PRKN: variants seen among roughly 807,000 people sequenced by gnomAD.
PRKN encodes the protein E3 ubiquitin-protein ligase parkin.
Under a neutral mutation model 59.5 loss-of-function variants are expected in PRKN, and 56 were observed. The observed-to-expected ratio is 0.94, with a 90% CI of 0.76 to 1.18. The LOEUF is 1.18. Among genes scored for constraint, PRKN ranks in the 50% most tolerant of loss-of-function variants. The pLI is 0.00. For synonymous variants in PRKN, 250 were observed against 222.1 expected (o/e 1.13, Z -1.12); for missense variants, 657 against 596.4 (o/e 1.10, Z -1.06).
In PRKN at chr6:162,510,816, G is replaced by A. The variant is rs561295634; in HGVS notation, c.8-67343C>T. On this transcript the variant is annotated intron_variant, in intron 1 of 11. Transcript: ENST00000366898. Reference sequence around the variant, plus strand: ...TATGCGCCTGTAATTCCAGCTACTCGGGAGGCTGAGGCAGGAGAATCGCTT... The same window carrying A: ...TATGCGCCTGTAATTCCAGCTACTCAGGAGGCTGAGGCAGGAGAATCGCTT... Among the ~76,000 whole-genome samples, 87 of 152,068 alleles carry A rather than the reference G, an allele frequency of 5.7e-4. 1 individual carries two copies. In the Middle Eastern group the frequency reaches 0.01, roughly 18 times the overall value.
At chr6:162,217,108 ATCTC>A in intron 3 of PRKN, among the ~76,000 whole-genome samples, 1 of 152,308 alleles carries the variant, frequency 6.6e-6, no homozygotes, top group East Asian at 1.9e-4. Context: ...CAATCGAAGA[ATCTC>A]TCCTTAATCA....
chr6:161,779,920 A>G (rs1177692408), intron 7 of PRKN, among the ~76,000 whole-genome samples: 1 of 152,210 alleles, frequency 6.6e-6, no homozygotes, highest in Non-Finnish European at 1.5e-5. Flanking sequence ...CTACAATGAA[A>G]GAATGTCCAA....
intron 2 of PRKN, among the ~76,000 whole-genome samples, chr6:162,375,742 TACACAC>T (rs60180187): frequency 1.3e-5 from 2 of 149,002 alleles, no homozygotes; most frequent in South Asian, 2.1e-4. Flanking sequence ...TATGGCTTTG[TACACAC>T]ACACACACAC....
At chr6:162,170,913 T>C (rs569609801) in intron 4 of PRKN, among the ~76,000 whole-genome samples, 66 of 126,602 alleles carry the variant, frequency 5.2e-4, no homozygotes, top group Non-Finnish European at 9.0e-4. Flanking sequence ...ATAAGAAAGG[T>C]AAATAAAAAC....
chr6:161,977,297 A>C (rs756791577), intron 5 of PRKN, among the ~76,000 whole-genome samples: 2 of 152,118 alleles, frequency 1.3e-5, no homozygotes, highest in Non-Finnish European at 2.9e-5. Flanking sequence ...ATATTACACC[A>C]GTTCCCCTCC....
intron 1 of PRKN, among the ~76,000 whole-genome samples, chr6:162,578,214 G>T (rs909112334): frequency 3.3e-5 from 5 of 152,012 alleles, no homozygotes; most frequent in East Asian, 3.8e-4. Flanking sequence ...ATGGTACTGA[G>T]TGAAAAACAT....
rs145608727 is a variant in PRKN at position 161,393,596 on chromosome 6, T to C, written c.1084-6719A>G. Among the ~76,000 whole-genome samples the C allele has an allele frequency of 3.8e-3, 579 of 152,218 alleles. 7 individuals are homozygous for C. The highest frequency in any genetic ancestry group is 0.021 in the Admixed American group (316 of 15,298). On this transcript the variant is annotated intron_variant, in intron 9 of 11. Coordinates refer to ENST00000366898, the MANE Select transcript of PRKN (RefSeq NM_004562.3). The surrounding 1 kb of genome is among the most constrained non-coding windows in gnomAD (Gnocchi z 4.7). ...TAATGAACACATTCAAAAGGGGCTGTATGTGTACTTTCTCTGTGGAAGCAT... is the reference window on the plus strand; with the variant it reads ...TAATGAACACATTCAAAAGGGGCTGCATGTGTACTTTCTCTGTGGAAGCAT...
chr6:162,491,856 T>A (rs1562327297), intron 1 of PRKN, among the ~76,000 whole-genome samples: 2 of 152,150 alleles, frequency 1.3e-5, no homozygotes. Flanking sequence ...TGAGCAAAAG[T>A]ATCCTGTCAG....
intron 1 of PRKN, among the ~76,000 whole-genome samples, chr6:162,449,697 A>T (rs186856431): frequency 2.9e-4 from 44 of 152,166 alleles, no homozygotes; most frequent in Non-Finnish European, 5.1e-4. Context: ...GTCTTTGAAG[A>T]TCTTTGTGAC....
intron 2 of PRKN, among the ~76,000 whole-genome samples, chr6:162,359,079 A>AAAAAAATATATAT (rs57265104): frequency 1.2e-5 from 1 of 83,274 alleles, no homozygotes; most frequent in African/African-American, 7.3e-5. Flanking sequence ...AAAAAAAAAA[A>AAAAAAATATATAT]ATATATATAT....
Position 161,473,358 on chromosome 6 carries a change from T to A in PRKN, c.1083+75496A>T, listed in dbSNP as rs1790887590. Among the ~76,000 whole-genome samples, 1 of 150,092 alleles carries A rather than the reference T, an allele frequency of 6.7e-6. No homozygotes were observed. The highest frequency in any genetic ancestry group is 1.5e-5 in the Non-Finnish European group (1 of 67,580). ...GATACCTATATATCCATAAATTTATTTATATACATATATATATATAAAATG... is the reference window on the plus strand; with the variant it reads ...GATACCTATATATCCATAAATTTATATATATACATATATATATATAAAATG... On this transcript the variant is annotated intron_variant, in intron 9 of 11. Coordinates refer to ENST00000366898, the MANE Select transcript of PRKN (RefSeq NM_004562.3). This position sits in a 1 kb window ranked among gnomAD's most constrained non-coding sequence, Gnocchi z 4.1.
At chr6:161,638,057 T>C (rs2128157347) in intron 7 of PRKN, among the ~76,000 whole-genome samples, 2 of 152,300 alleles carry the variant, frequency 1.3e-5, no homozygotes, top group Middle Eastern at 6.8e-3. Context: ...GGACAAACAA[T>C]GCCTCCCACC....
chr6:161,630,397 T>A (rs1468473599), intron 7 of PRKN, among the ~76,000 whole-genome samples: 2 of 152,106 alleles, frequency 1.3e-5, no homozygotes, highest in East Asian at 3.9e-4. Context: ...ACACGGTATG[T>A]CCCCAATAAA....
At chr6:161,517,648 G>T (rs142446701) in intron 9 of PRKN, among the ~76,000 whole-genome samples, 1 of 145,606 alleles carries the variant, frequency 6.9e-6, no homozygotes, top group South Asian at 2.3e-4. Flanking sequence ...GCTGAGGCAG[G>T]AGAATGGTGT....
chr6:162,725,706 T>C (rs1208015738), intron 1 of PRKN, among the ~76,000 whole-genome samples: 1 of 149,482 alleles, frequency 6.7e-6, no homozygotes, highest in Non-Finnish European at 1.5e-5. Flanking sequence ...GAGGCTGCAG[T>C]GAGCTGTGAT....
intron 4 of PRKN, among the ~76,000 whole-genome samples, chr6:162,153,286 C>A (rs938816166): frequency 4.6e-5 from 7 of 152,198 alleles, no homozygotes; most frequent in African/African-American, 1.7e-4. Flanking sequence ...GTGGCGCACC[C>A]CTTGCGGGAA....
intron 4 of PRKN, among the ~76,000 whole-genome samples, chr6:162,187,978 T>G (rs899621292): frequency 2.6e-5 from 4 of 152,000 alleles, no homozygotes; most frequent in African/African-American, 7.2e-5. Context: ...CAGTGAGAGG[T>G]GCTTGAACTA....
At chr6:162,673,140 T>C (rs192440029) in intron 1 of PRKN, among the ~76,000 whole-genome samples, 27 of 152,310 alleles carry the variant, frequency 1.8e-4, no homozygotes, top group African/African-American at 5.5e-4. Context: ...ATTTTCCTAA[T>C]TTTGAAAAAG....
intron 6 of PRKN, among the ~76,000 whole-genome samples, chr6:161,802,455 C>G (rs1791125593): frequency 6.6e-6 from 1 of 151,582 alleles, no homozygotes; most frequent in African/African-American, 2.4e-5. Flanking sequence ...ACACACACCC[C>G]ACATATGACC....
Sources: allele counts gnomAD v4.1 joint callset (sites outside exome capture counted in the v4.1 genomes callset), GRCh38; gene constraint gnomAD v4.1.1; non-coding constraint Gnocchi (gnomAD v3.1); transcripts MANE v1.5; gene names NCBI Gene and HGNC (gene_info 2026-07-23, HGNC 2026-07-21).